COL4A1: variants seen among roughly 807,000 people sequenced by gnomAD.
The protein encoded by COL4A1 is collagen type IV alpha 1 chain.
In COL4A1, 40 loss-of-function variants were observed where a neutral mutation model predicts 216.6. That is an observed-to-expected ratio of 0.18 (90% CI 0.14 to 0.24). COL4A1 has a LOEUF of 0.24. Ranked by LOEUF, COL4A1 falls within the 10% of genes least tolerant of loss-of-function variation. The pLI is 1.00. For synonymous variants in COL4A1, 839 were observed against 810.7 expected (o/e 1.03, Z -0.59); for missense variants, 1,628 against 2,196.8 (o/e 0.74, Z 5.18).
At chr13:110,204,999 C>CATAG (rs1308842057) in intron 17 of COL4A1, among the ~76,000 whole-genome samples, 14 of 152,126 alleles carry the variant, frequency 9.2e-5, no homozygotes, top group African/African-American at 3.4e-4. Flanking sequence ...TGTGTATGCA[C>CATAG]ATAGGAACAA....
chr13:110,189,772 C>T (rs543218419), intron 24 of COL4A1, among the ~76,000 whole-genome samples: 1 of 152,156 alleles, frequency 6.6e-6, no homozygotes, highest in Non-Finnish European at 1.5e-5. Context: ...CTTGTGGGCT[C>T]GGGCTGCCTT....
chr13:110,291,775 G>A (rs1002682059), intron 1 of COL4A1, among the ~76,000 whole-genome samples: 7 of 152,286 alleles, frequency 4.6e-5, no homozygotes, highest in Middle Eastern at 3.4e-3. Context: ...TTCCTAGAGG[G>A]ATCATAATCG....
intron 43 of COL4A1, among the ~76,000 whole-genome samples, chr13:110,167,462 C>T (rs1397364824): frequency 6.6e-6 from 1 of 152,198 alleles, no homozygotes; most frequent in Non-Finnish European, 1.5e-5. Context: ...ATCTCCTCTG[C>T]TTGTCCATCC....
rs147309499 is a variant in COL4A1 at position 110,301,039 on chromosome 13, G to A, written c.84+5905C>T. Among the ~76,000 whole-genome samples, 33 of 152,076 alleles carry A rather than the reference G, an allele frequency of 2.2e-4. No individual in the cohort carries two copies. The East Asian group carries it at 4.2e-3, about 20-fold the overall frequency. ...TCCACAGAGAAAATTACTAAACCAC[G>A]GAATAAACTATTTACATAAAGTGTT... is the stretch of plus-strand genomic sequence containing the variant. On this transcript the variant is annotated intron_variant, in intron 1 of 51. Coordinates refer to ENST00000375820, the MANE Select transcript of COL4A1 (RefSeq NM_001845.6).
At chr13:110,238,113 G>A (rs1019721511) in intron 2 of COL4A1, among the ~76,000 whole-genome samples, 2 of 152,220 alleles carry the variant, frequency 1.3e-5, no homozygotes, top group African/African-American at 4.8e-5. Flanking sequence ...ATGTGGACAG[G>A]AGCTGTGATT....
At chr13:110,227,529 CCT>C (rs1185413664) in intron 2 of COL4A1, among the ~76,000 whole-genome samples, 6 of 151,948 alleles carry the variant, frequency 3.9e-5, no homozygotes, top group African/African-American at 7.3e-5. Flanking sequence ...GTTGGGGGCA[CCT>C]GGTTCCCACG....
At chr13:110,169,863 A>G (rs930442360) in intron 42 of COL4A1, 101 bp from the exon 43 acceptor site, 3 of 1,550,026 alleles carry the variant, frequency 1.9e-6, no homozygotes, top group Admixed American at 1.7e-5. Context: ...CCTCACTGAT[A>G]CAACACTGGA....
chr13:110,182,939 T>C (rs545766511), intron 28 of COL4A1, 54 bp downstream of exon 28: 1 of 1,534,800 alleles, frequency 6.5e-7, no homozygotes, highest in Non-Finnish European at 8.9e-7. Flanking sequence ...ACCTCCTCTT[T>C]TCTCACAGAA....
At chr13:110,228,818 C>A (rs983996700) in intron 2 of COL4A1, among the ~76,000 whole-genome samples, 1 of 152,168 alleles carries the variant, frequency 6.6e-6, no homozygotes, top group Admixed American at 6.5e-5. Context: ...CAAGTACTAG[C>A]GTCCACTTCA....
In COL4A1 at chr13:110,187,344, C is replaced by A; in HGVS notation, c.1537-15G>T. The stretch of plus-strand genomic sequence containing the variant: ...CCTTGAGGGCCCTGTAAGAACAAAG[C>A]CTTGTGATCCACAGAAGAACCCATC... On this transcript the variant is annotated splice_polypyrimidine_tract_variant and intron_variant, in intron 24 of 51. Coordinates refer to ENST00000375820, the MANE Select transcript of COL4A1 (RefSeq NM_001845.6). 1 of 1,611,852 alleles carries A rather than the reference C, an allele frequency of 6.2e-7. No individual in the cohort carries two copies. Among genetic ancestry groups the A allele is most frequent in the Non-Finnish European group, 8.5e-7 (1 of 1,179,826 alleles).
chr13:110,226,771 C>T (rs898852640), intron 2 of COL4A1, among the ~76,000 whole-genome samples: 1 of 152,208 alleles, frequency 6.6e-6, no homozygotes, highest in African/African-American at 2.4e-5. Context: ...AAAACATATA[C>T]AGTCACCCAA....
At chr13:110,159,944 G>T (rs1594534075) in intron 49 of COL4A1, among the ~76,000 whole-genome samples, 1 of 152,164 alleles carries the variant, frequency 6.6e-6, no homozygotes, top group Admixed American at 6.5e-5. Context: ...GTCACCAGAG[G>T]CTGGCAGGAG....
chr13:110,296,205 C>T (rs1327673701), intron 1 of COL4A1, among the ~76,000 whole-genome samples: 1 of 152,228 alleles, frequency 6.6e-6, no homozygotes, highest in African/African-American at 2.4e-5. Flanking sequence ...CGCGAAACCA[C>T]GGCAACGTGC....
chr13:110,252,226 G>A (rs1882104145), intron 1 of COL4A1, among the ~76,000 whole-genome samples: 2 of 151,724 alleles, frequency 1.3e-5, no homozygotes, highest in Admixed American at 1.3e-4. Flanking sequence ...GTTTCACCAT[G>A]TTGGCCAGGC....
intron 21 of COL4A1, among the ~76,000 whole-genome samples, chr13:110,198,026 G>A (rs16975576): frequency 0.025 from 3,759 of 151,040 alleles, 152 homozygotes; most frequent in African/African-American, 0.085. Context: ...GGCTTTTCTG[G>A]ACTTTACTAA....
At chr13:110,214,950 T>C (rs1879996708) in intron 2 of COL4A1, among the ~76,000 whole-genome samples, 1 of 152,232 alleles carries the variant, frequency 6.6e-6, no homozygotes, top group Non-Finnish European at 1.5e-5. Flanking sequence ...GCAGGAAATA[T>C]TTATATCTCA....
chr13:110,200,919 A>G (rs2139190323), intron 19 of COL4A1, 30 bp from the exon 20 acceptor site: 1 of 1,612,724 alleles, frequency 6.2e-7, no homozygotes, highest in Middle Eastern at 1.6e-4. Flanking sequence ...GTTGGATCAA[A>G]CAGAACAGTT....
At chr13:110,201,926 G>C (rs1879269171) in intron 18 of COL4A1, among the ~76,000 whole-genome samples, 1 of 152,212 alleles carries the variant, frequency 6.6e-6, no homozygotes, top group South Asian at 2.1e-4. Flanking sequence ...AGGTTGCATT[G>C]AGCTGAGATG....
At chr13:110,247,289 A>ACC (rs1491105627) in intron 1 of COL4A1, among the ~76,000 whole-genome samples, 1 of 152,198 alleles carries the variant, frequency 6.6e-6, no homozygotes, top group African/African-American at 2.4e-5. Flanking sequence ...ACTCTGTCAG[A>ACC]CACACACACG....
Sources: gnomAD v4.1 joint callset for allele counts (sites outside exome capture counted in the v4.1 genomes callset) on GRCh38, gnomAD v4.1.1 for gene constraint, MANE v1.5 for transcripts, NCBI Gene and HGNC (gene_info 2026-07-23, HGNC 2026-07-21) for gene names.